FN1: variants seen among roughly 807,000 people sequenced by gnomAD.
The protein encoded by FN1 is fibronectin.
In FN1, 106 loss-of-function variants were observed where a neutral mutation model predicts 297.3. The observed-to-expected ratio is 0.36, with a 90% confidence interval of 0.30 to 0.42. The LOEUF is 0.42. Among genes scored for constraint, FN1 ranks in the 10% least tolerant of loss-of-function variants. The pLI, the probability that FN1 is intolerant of heterozygous loss-of-function variation, is 1.00. For missense variants in FN1, 2,690 were observed against 3,124.9 expected, an observed-to-expected ratio of 0.86 and a Z score of 3.32; for synonymous variants, 1,149 against 1,152.6, an observed-to-expected ratio of 1.00 and a Z score of 0.06.
At chr2:215,365,290 G>A (rs1412930082) in intron 43 of FN1, among the ~76,000 whole-genome samples, 2 of 152,116 alleles carry the variant, frequency 1.3e-5, no homozygotes, top group Non-Finnish European at 2.9e-5. Flanking sequence ...AAATACTCAG[G>A]TTGGACAAGT....
intron 21 of FN1, 61 bp from the exon 22 acceptor site, chr2:215,397,909 T>C (rs2060498669): frequency 7.2e-7 from 1 of 1,390,876 alleles, no homozygotes; most frequent in Non-Finnish European, 1.0e-6. Context: ...CTGTTACTGC[T>C]GTGAGGCTAT....
intron 7 of FN1, 73 bp downstream of exon 7, chr2:215,425,021 T>C (rs1346855299): frequency 6.7e-6 from 9 of 1,342,930 alleles, no homozygotes; most frequent in African/African-American, 4.3e-5. Context: ...TTGTTTCACA[T>C]TGAAAATGTA....
At chr2:215,382,440 A>G in intron 31 of FN1, 115 bp from the exon 32 acceptor site, 1 of 704,110 alleles carries the variant, frequency 1.4e-6, no homozygotes, top group Admixed American at 2.0e-5. Flanking sequence ...TATTTGCAGA[A>G]TTGTAACAAA....
chr2:215,407,047 T>G, intron 18 of FN1, 80 bp downstream of exon 18: 1 of 1,050,994 alleles, frequency 9.5e-7, no homozygotes, highest in South Asian at 1.3e-5. Context: ...ATGAGAGGAC[T>G]GTTGACAGAG....
chr2:215,425,287 T>C lies in FN1; in HGVS notation c.845-2A>G. 1 of 1,613,900 alleles carries C rather than the reference T, an allele frequency of 6.2e-7. No homozygotes were observed. Among genetic ancestry groups the C allele is most frequent in the Non-Finnish European group, 8.5e-7 (1 of 1,179,980 alleles). ...GAACATCGGTGAAGGGGCCAGATCCTAATGGCATGAAAAGGGAATGTCACA... is the reference window on the plus strand; with the variant it reads ...GAACATCGGTGAAGGGGCCAGATCCCAATGGCATGAAAAGGGAATGTCACA... On this transcript the variant is annotated splice_acceptor_variant, in intron 6 of 45. Coordinates refer to ENST00000354785, the MANE Select transcript of FN1 (RefSeq NM_212482.4). LOFTEE classifies it high-confidence loss of function.
At chr2:215,407,998 T>C in intron 17 of FN1, 110 bp downstream of exon 17, 1 of 716,490 alleles carries the variant, frequency 1.4e-6, no homozygotes, top group Non-Finnish European at 2.4e-6. Context: ...CTCCCATAAA[T>C]TATATTGGAG....
intron 7 of FN1, among the ~76,000 whole-genome samples, chr2:215,424,596 T>G (rs1308918787): frequency 6.6e-6 from 1 of 152,210 alleles, no homozygotes; most frequent in Non-Finnish European, 1.5e-5. Context: ...AAAGCTATAT[T>G]TATACAGGTC....
chr2:215,375,000 A>G (rs1017937566), intron 38 of FN1, among the ~76,000 whole-genome samples: 8 of 152,230 alleles, frequency 5.3e-5, no homozygotes, highest in African/African-American at 1.9e-4. Context: ...TAGTCATGCC[A>G]TTAGTACAGT....
At chr2:215,424,783 CA>C (rs1461979302) in intron 7 of FN1, among the ~76,000 whole-genome samples, 1 of 152,124 alleles carries the variant, frequency 6.6e-6, no homozygotes, top group Non-Finnish European at 1.5e-5. Context: ...GTTTACATCA[CA>C]AAGCTGCTGA....
intron 42 of FN1, among the ~76,000 whole-genome samples, chr2:215,367,273 C>T (rs1366183590): frequency 2.0e-5 from 3 of 152,106 alleles, no homozygotes; most frequent in Non-Finnish European, 2.9e-5. Context: ...AAAATTAAAA[C>T]GTATTAGAAT....
chr2:215,377,046 GTGTGTGTGTGTA>G (rs1482691298), intron 35 of FN1, among the ~76,000 whole-genome samples: 1 of 142,276 alleles, frequency 7.0e-6, no homozygotes, highest in Non-Finnish European at 1.5e-5. Flanking sequence ...AATTTTGTGT[GTGTGTGTGTGTA>G]TGTGTGTGTG....
At chr2:215,423,607 A>C in intron 8 of FN1, 81 bp from the exon 9 acceptor site, 1 of 1,333,060 alleles carries the variant, frequency 7.5e-7, no homozygotes. Flanking sequence ...GGTCTGAGAG[A>C]GCCAGGTTTC....
At position 215,370,433 on chromosome 2, in the gene FN1, C is replaced by A; in HGVS notation, c.6715-1G>T. On this transcript the variant is annotated splice_acceptor_variant, in intron 40 of 45. Coordinates refer to ENST00000354785, the MANE Select transcript of FN1 (RefSeq NM_212482.4). LOFTEE classifies it high-confidence loss of function. ...TGGTAGAAGTTCCAGGAACCCTGAACTGCAATTATCGGTACATCCAAAGCA... is the reference window on the plus strand; with the variant it reads ...TGGTAGAAGTTCCAGGAACCCTGAAATGCAATTATCGGTACATCCAAAGCA... The A allele has an allele frequency of 6.2e-7, 1 of 1,613,210 alleles. No individual in the cohort carries two copies. The highest frequency in any genetic ancestry group is 8.5e-7 in the Non-Finnish European group (1 of 1,179,604).
chr2:215,409,439 T>C (rs2062251688), intron 15 of FN1, 124 bp downstream of exon 15: 1 of 915,090 alleles, frequency 1.1e-6, no homozygotes, highest in South Asian at 1.3e-5. Context: ...GGGTGGTTTG[T>C]TCAGTCTGAG....
intron 6 of FN1, among the ~76,000 whole-genome samples, chr2:215,425,533 T>TG (rs1312429445): frequency 6.6e-6 from 1 of 152,090 alleles, no homozygotes; most frequent in Non-Finnish European, 1.5e-5. Flanking sequence ...TTATATTTCT[T>TG]TTTGTTTGTT....
intron 13 of FN1, among the ~76,000 whole-genome samples, chr2:215,412,619 C>A (rs940216309): frequency 2.0e-5 from 3 of 152,004 alleles, no homozygotes; most frequent in African/African-American, 7.3e-5. Context: ...AGCCACTGTG[C>A]CCAGACAAAG....
rs1407515617 is a variant in FN1, at chr2:215,370,314, A to G, written c.6833T>C (p.Val2278Ala). 8.1e-6 allele frequency: 13 copies of G among 1,613,974 alleles called. No homozygotes were observed. The highest frequency in any genetic ancestry group is 1.1e-5 in the Non-Finnish European group (13 of 1,180,010). ...CATACCAGAGTTGCCCACGGTAACA[A>G]CCTCTTCCCGAACCTTATGCCTCTG... ...DQQRHKVREEVVTVGNSVNEG... is the reference protein window; with the variant it reads ...DQQRHKVREEAVTVGNSVNEG... The change falls in exon 41 of 46, where the codon GTT (valine) becomes GCT (alanine). Residue 2278 changes from valine (V) to alanine (A), a missense_variant. Transcript: ENST00000354785.
At chr2:215,410,551 A>G (rs2062470591) in intron 13 of FN1, among the ~76,000 whole-genome samples, 1 of 146,416 alleles carries the variant, frequency 6.8e-6, no homozygotes, top group Non-Finnish European at 1.5e-5. Context: ...CTTGTTGCCC[A>G]GGCTAGAGTG....
chr2:215,371,135 G>A (rs532088069), intron 40 of FN1, among the ~76,000 whole-genome samples: 47 of 152,146 alleles, frequency 3.1e-4, no homozygotes, highest in Non-Finnish European at 2.2e-4. Flanking sequence ...GGGTGCGGTG[G>A]CACATGCCTG....
Sources: gnomAD v4.1 joint callset for allele counts (sites outside exome capture counted in the v4.1 genomes callset) on GRCh38, gnomAD v4.1.1 for gene constraint, MANE v1.5 for transcripts, NCBI Gene and HGNC (gene_info 2026-07-23, HGNC 2026-07-21) for gene names.